Variants in SSH2 observed in about 807,000 individuals in gnomAD.
SSH2 encodes protein phosphatase Slingshot homolog 2.
SSH2 carries 37 observed loss-of-function variants against 135.2 expected under a neutral mutation model. The ratio of observed to expected loss-of-function variants is 0.27; its 90% CI spans 0.21 to 0.36. SSH2 has a LOEUF of 0.36. Ranked by LOEUF, SSH2 falls within the 10% of genes least tolerant of loss-of-function variation. The pLI is 1.00. For missense variants in SSH2, 1,408 were observed against 1,765.3 expected, an observed-to-expected ratio of 0.80 and a Z score of 3.63; for synonymous variants, 628 against 646.2, an observed-to-expected ratio of 0.97 and a Z score of 0.43.
At chr17:29,860,904 C>T (rs577980264) in intron 1 of SSH2, among the ~76,000 whole-genome samples, 2 of 151,772 alleles carry the variant, frequency 1.3e-5, no homozygotes, top group Non-Finnish European at 2.9e-5. Flanking sequence ...TGCCATGACG[C>T]CCGGCTAATT....
chr17:29,710,537 T>C (rs1190307169), intron 3 of SSH2, among the ~76,000 whole-genome samples: 2 of 152,250 alleles, frequency 1.3e-5, no homozygotes, highest in Non-Finnish European at 2.9e-5. Flanking sequence ...TTTCTCCTCC[T>C]GATAAGCCTT....
At chr17:29,852,583 G>A (rs1032283243) in intron 1 of SSH2, among the ~76,000 whole-genome samples, 40 of 149,790 alleles carry the variant, frequency 2.7e-4, no homozygotes, top group South Asian at 4.2e-4. Flanking sequence ...ACGGAGTCCC[G>A]TTCTGTCATC....
At chr17:29,853,180 G>A (rs961102622) in intron 1 of SSH2, among the ~76,000 whole-genome samples, 17 of 147,698 alleles carry the variant, frequency 1.2e-4, no homozygotes, top group Non-Finnish European at 2.1e-4. Context: ...TATGCCTCCC[G>A]GGTTCAAGTG....
chr17:29,654,460 T>C (rs1453681951), intron 12 of SSH2, among the ~76,000 whole-genome samples: 1 of 152,118 alleles, frequency 6.6e-6, no homozygotes, highest in Non-Finnish European at 1.5e-5. Context: ...GGAGTATTTA[T>C]CCACTAATGG....
At chr17:29,839,795 C>T (rs552227493) in intron 2 of SSH2, among the ~76,000 whole-genome samples, 1 of 152,286 alleles carries the variant, frequency 6.6e-6, no homozygotes, top group African/African-American at 2.4e-5. Context: ...AGAATAACAA[C>T]ATTACATTCA....
chr17:29,832,918 C>T (rs528852179), intron 2 of SSH2, among the ~76,000 whole-genome samples: 9 of 151,814 alleles, frequency 5.9e-5, no homozygotes, highest in African/African-American at 1.2e-4. Flanking sequence ...CCACCTGCCT[C>T]GGCCTCCCAA....
chr17:29,717,747 G>C (rs890884593), intron 3 of SSH2, among the ~76,000 whole-genome samples: 1 of 152,148 alleles, frequency 6.6e-6, no homozygotes, highest in Non-Finnish European at 1.5e-5. Flanking sequence ...TAAAGGCAGT[G>C]GGGGGAGCTA....
chr17:29,657,887 A>G (rs930540382), intron 11 of SSH2, among the ~76,000 whole-genome samples: 1 of 151,352 alleles, frequency 6.6e-6, no homozygotes, highest in Non-Finnish European at 1.5e-5. Flanking sequence ...GCTTTAATCT[A>G]GAACAGTACA....
At chr17:29,898,008 C>A (rs2066476119) in intron 1 of SSH2, among the ~76,000 whole-genome samples, 1 of 152,152 alleles carries the variant, frequency 6.6e-6, no homozygotes, top group Non-Finnish European at 1.5e-5. Flanking sequence ...GGAAACTGAA[C>A]AACCTGCTCC....
rs966792066 is a variant in SSH2, at chr17:29,627,462, G to A, written c.*3379C>T. The A allele has an allele frequency of 5.3e-5, 8 of 152,366 alleles. No homozygotes were observed. The highest frequency in any genetic ancestry group is 3.3e-4 in the Admixed American group (5 of 15,274). 9.4% of individuals were successfully genotyped at this position (152,366 alleles called of 1,614,324 possible). ...TGGGGCCTGTGAGCAGAGTACCTCA[G>A]AGCCTGAGGCACTGAGATCTTCAGG... On this transcript the variant is annotated 3_prime_UTR_variant, in exon 16 of 16. Coordinates refer to ENST00000540801, the MANE Select transcript of SSH2 (RefSeq NM_001282129.2).
At chr17:29,924,788 G>A (rs1256473255) in intron 1 of SSH2, among the ~76,000 whole-genome samples, 1 of 152,128 alleles carries the variant, frequency 6.6e-6, no homozygotes, top group Non-Finnish European at 1.5e-5. Flanking sequence ...ACATTTATAA[G>A]ATTTATGTAT....
intron 3 of SSH2, among the ~76,000 whole-genome samples, chr17:29,792,882 G>C (rs1030410652): frequency 6.6e-6 from 1 of 152,118 alleles, no homozygotes. Flanking sequence ...CACCGTGTTA[G>C]CCAGGATGGT....
intron 3 of SSH2, among the ~76,000 whole-genome samples, chr17:29,762,284 C>T (rs968659529): frequency 3.9e-5 from 6 of 152,070 alleles, no homozygotes; most frequent in Non-Finnish European, 7.4e-5. Flanking sequence ...CTATAGAGGG[C>T]TTTCTTAGCC....
chr17:29,893,663 C>T (rs1365212553), intron 1 of SSH2, among the ~76,000 whole-genome samples: 1 of 152,022 alleles, frequency 6.6e-6, no homozygotes, highest in East Asian at 1.9e-4. Context: ...GTTATAGTAG[C>T]AGGAATGAGA....
chr17:29,683,235 G>T (rs1322112664), intron 6 of SSH2, among the ~76,000 whole-genome samples: 2 of 152,116 alleles, frequency 1.3e-5, no homozygotes, highest in Non-Finnish European at 2.9e-5. Context: ...TATCCACAGC[G>T]TAAAGATCTG....
intron 6 of SSH2, among the ~76,000 whole-genome samples, chr17:29,678,709 A>AT: frequency 1.9e-5 from 1 of 52,136 alleles, no homozygotes; most frequent in African/African-American, 8.0e-5. Context: ...TAAAAATACT[A>AT]TTTCTTTTTT....
At chr17:29,734,281 CT>C (rs1757683714) in intron 3 of SSH2, among the ~76,000 whole-genome samples, 1 of 152,102 alleles carries the variant, frequency 6.6e-6, no homozygotes, top group African/African-American at 2.4e-5. Context: ...CATAGAAAGG[CT>C]TTCTATGCCT....
intron 3 of SSH2, among the ~76,000 whole-genome samples, chr17:29,719,820 A>G (rs1479296412): frequency 6.6e-6 from 1 of 152,164 alleles, no homozygotes; most frequent in East Asian, 1.9e-4. Flanking sequence ...GCAATGGCAC[A>G]GTCTCGGCTC....
chr17:29,886,676 G>A (rs969019056), intron 1 of SSH2, among the ~76,000 whole-genome samples: 6 of 151,574 alleles, frequency 4.0e-5, no homozygotes, highest in Admixed American at 2.6e-4. Flanking sequence ...GAACCCAGGC[G>A]GTGGAGGTTG....
Sources: gnomAD v4.1 joint callset for allele counts (sites outside exome capture counted in the v4.1 genomes callset) on GRCh38, gnomAD v4.1.1 for gene constraint, MANE v1.5 for transcripts, NCBI Gene and HGNC (gene_info 2026-07-23, HGNC 2026-07-21) for gene names.